Variants in KLHL14 observed in about 807,000 individuals in gnomAD.
KLHL14 encodes kelch-like protein 14.
Under a neutral mutation model 64.3 loss-of-function variants are expected in KLHL14, and 22 were observed. The ratio of observed to expected loss-of-function variants is 0.34; its 90% CI spans 0.24 to 0.49. The LOEUF (loss-of-function observed/expected upper bound fraction) is 0.49, where lower values mean the gene tolerates loss of function less well. Ranked by LOEUF, KLHL14 falls within the 20% of genes least tolerant of loss-of-function variation. The pLI is 0.99. For missense variants in KLHL14, 661 were observed against 789.0 expected (o/e 0.84, Z 1.94); for synonymous variants, 322 against 333.4 (o/e 0.97, Z 0.37).
Position 32,770,244 on chromosome 18 carries a change from C to A in KLHL14, c.348G>T (p.Leu116=), listed in dbSNP as rs529572390. 1 of 1,599,536 alleles carries A rather than the reference C, an allele frequency of 6.3e-7. No homozygotes were observed. The highest frequency in any genetic ancestry group is 2.2e-5 in the East Asian group (1 of 44,568). Reference sequence around the variant, plus strand: ...GGTTGTTGATGGCCCGGGGGCTGGTCAGCAGCTTGTCGTCGGGGGAGGAAG... The same window carrying A: ...GGTTGTTGATGGCCCGGGGGCTGGTAAGCAGCTTGTCGTCGGGGGAGGAAG... ...TPSSSPDDKL[L]TSPRAINNLV... Residue 116 remains leucine (L), a synonymous_variant, in exon 2 of 9, where the codon CTG becomes CTT. Transcript: ENST00000359358. The surrounding 1 kb of genome is among the most constrained non-coding windows in gnomAD (Gnocchi z 6.7).
chr18:32,741,577 A>T (rs1478631890), intron 3 of KLHL14, among the ~76,000 whole-genome samples: 1 of 152,236 alleles, frequency 6.6e-6, no homozygotes, highest in Non-Finnish European at 1.5e-5. Flanking sequence ...AAAATTTACT[A>T]GCGAACGCCA....
At position 32,677,264 on chromosome 18, in the gene KLHL14, A is replaced by C. The variant is rs2049816067; in HGVS notation, c.1655T>G (p.Leu552Arg). ...TCGACCCTCCAAAATGGGAGTTTGG[A>C]GTATATTCCACTGGTCACCTTTTGG... is the stretch of plus-strand genomic sequence containing the variant. ...YDPKGDQWNILQTPILEGRSG... is the reference protein window; with the variant it reads ...YDPKGDQWNIRQTPILEGRSG... Residue 552 changes from leucine (L) to arginine (R), a missense_variant, in exon 8 of 9, where the codon CTC becomes CGC. Leu to Arg is a moderately radical substitution (Grantham distance 102, BLOSUM62 -2). Coordinates refer to ENST00000359358, the MANE Select transcript of KLHL14 (RefSeq NM_020805.3). The C allele has an allele frequency of 1.2e-6, 2 of 1,613,706 alleles. No individual in the cohort carries two copies. The highest frequency in any genetic ancestry group is 2.7e-5 in the African/African-American group (2 of 75,018).
At chr18:32,707,978 T>C (rs1045514429) in intron 3 of KLHL14, among the ~76,000 whole-genome samples, 1 of 152,208 alleles carries the variant, frequency 6.6e-6, no homozygotes, top group African/African-American at 2.4e-5. Flanking sequence ...GATGATTTAA[T>C]GGTCCAAAGT....
chr18:32,752,716 C>T (rs1189332101), intron 2 of KLHL14, among the ~76,000 whole-genome samples: 2 of 151,704 alleles, frequency 1.3e-5, no homozygotes, highest in Non-Finnish European at 2.9e-5. Context: ...TTTAAAACTG[C>T]TCACTTAAAA....
intron 4 of KLHL14, among the ~76,000 whole-genome samples, chr18:32,690,384 T>C (rs1343204013): frequency 1.3e-5 from 2 of 152,138 alleles, no homozygotes; most frequent in African/African-American, 2.4e-5. Flanking sequence ...GAAGGAGATA[T>C]ACACTGGCTC....
rs80070416 is a variant in KLHL14 at position 32,703,076 on chromosome 18, G to A, written c.1070-7524C>T. Among the ~76,000 whole-genome samples the A allele has an allele frequency of 3.8e-3, 578 of 152,230 alleles. 8 individuals are homozygous for A. The highest frequency in any genetic ancestry group is 0.028 in the South Asian group (136 of 4,824). On this transcript the variant is annotated intron_variant, in intron 3 of 8. Coordinates refer to ENST00000359358, the MANE Select transcript of KLHL14 (RefSeq NM_020805.3). Reference sequence around the variant, plus strand: ...ATACTTTTACTGTATCACTTGCCAAGTGATGAAACAGTGTATTAAAAGGCT... The same window carrying A: ...ATACTTTTACTGTATCACTTGCCAAATGATGAAACAGTGTATTAAAAGGCT...
rs937835233 is a variant in KLHL14, at chr18:32,716,993, G to A, written c.1070-21441C>T. ...GGCCTATAAGAGAAAGGCCAACTCG[G>A]AATGAGATTGAAATATCCTCTCTCT... On this transcript the variant is annotated intron_variant, in intron 3 of 8. Transcript: ENST00000359358. Among the ~76,000 whole-genome samples, 6 of 152,098 alleles carry A rather than the reference G, an allele frequency of 3.9e-5. No individual in the cohort carries two copies. The South Asian group carries it at 1.2e-3, about 32-fold the overall frequency.
At chr18:32,713,853 A>G (rs2050032151) in intron 3 of KLHL14, among the ~76,000 whole-genome samples, 1 of 152,168 alleles carries the variant, frequency 6.6e-6, no homozygotes, top group Non-Finnish European at 1.5e-5. Flanking sequence ...GCTGTTATAA[A>G]CAACACTGAA....
At chr18:32,684,679 A>G (rs1208896795) in intron 5 of KLHL14, among the ~76,000 whole-genome samples, 1 of 152,196 alleles carries the variant, frequency 6.6e-6, no homozygotes, top group African/African-American at 2.4e-5. Flanking sequence ...GTAGCAGCAT[A>G]GTGGAAGAGG....
intron 3 of KLHL14, among the ~76,000 whole-genome samples, chr18:32,720,086 A>G (rs2050069439): frequency 6.6e-6 from 1 of 152,234 alleles, no homozygotes; most frequent in Non-Finnish European, 1.5e-5. Flanking sequence ...AAGAAGAGGC[A>G]TGAGCACTGG....
At chr18:32,734,352 C>G (rs2050152355) in intron 3 of KLHL14, 3 of 661,690 alleles carry the variant, frequency 4.5e-6, no homozygotes, top group African/African-American at 3.6e-5. Context: ...GATGGAGCCC[C>G]CACATGCCTG....
chr18:32,694,746 T>C (rs1049122343), intron 4 of KLHL14, among the ~76,000 whole-genome samples: 4 of 152,224 alleles, frequency 2.6e-5, no homozygotes, highest in African/African-American at 9.6e-5. Context: ...TTATGGTTTC[T>C]CAGTCACAAT....
chr18:32,708,588 TCCCTTCTAGCTGC>T (rs532519839), intron 3 of KLHL14, among the ~76,000 whole-genome samples: 84 of 152,240 alleles, frequency 5.5e-4, no homozygotes, highest in African/African-American at 2.0e-3. Context: ...CATCCTGCTC[TCCCTTCTAGCTGC>T]CCCTTCTAGA....
At chr18:32,715,153 G>T (rs552469630) in intron 3 of KLHL14, among the ~76,000 whole-genome samples, 1 of 152,048 alleles carries the variant, frequency 6.6e-6, no homozygotes, top group Non-Finnish European at 1.5e-5. Flanking sequence ...AAATAGGTCA[G>T]ATTTTTCAAT....
intron 4 of KLHL14, among the ~76,000 whole-genome samples, chr18:32,694,983 C>G (rs2049930010): frequency 6.6e-6 from 1 of 152,128 alleles, no homozygotes; most frequent in South Asian, 2.1e-4. Flanking sequence ...AAAGGTACAG[C>G]AACTGGAATG....
intron 3 of KLHL14, among the ~76,000 whole-genome samples, chr18:32,698,094 A>G (rs1213883742): frequency 6.6e-6 from 1 of 152,220 alleles, no homozygotes. Flanking sequence ...GAATTTTGCA[A>G]AAGACCTAAT....
chr18:32,715,509 A>G (rs2050040819), intron 3 of KLHL14, among the ~76,000 whole-genome samples: 1 of 135,576 alleles, frequency 7.4e-6, no homozygotes, highest in Non-Finnish European at 1.6e-5. Flanking sequence ...CCGACGGATG[A>G]TTTTTTTTTT....
At chr18:32,742,128 A>C in intron 2 of KLHL14, 79 bp from the exon 3 acceptor site, 1 of 1,437,484 alleles carries the variant, frequency 7.0e-7, no homozygotes, top group South Asian at 1.3e-5. Context: ...CATAACCATC[A>C]AAGAATGTTC....
At chr18:32,747,297 G>A (rs745942674) in intron 2 of KLHL14, among the ~76,000 whole-genome samples, 66 of 152,044 alleles carry the variant, frequency 4.3e-4, no homozygotes, top group Non-Finnish European at 7.4e-4. Context: ...TACATTTATT[G>A]TGCACTTTAT....
Sources: gnomAD v4.1 joint callset for allele counts (sites outside exome capture counted in the v4.1 genomes callset) on GRCh38, gnomAD v4.1.1 for gene constraint, Gnocchi (gnomAD v3.1) non-coding constraint, MANE v1.5 for transcripts, NCBI Gene and HGNC (gene_info 2026-07-23, HGNC 2026-07-21) for gene names.